The following TAFA5 variants were observed in gnomAD, a reference collection of about 807,000 sequenced individuals.
TAFA5 encodes the protein chemokine-like protein TAFA-5.
TAFA5 carries 6 observed loss-of-function variants against 15.3 expected under a neutral mutation model. That is an observed-to-expected ratio of 0.39 (90% CI 0.21 to 0.77). The LOEUF is 0.77. TAFA5 is among the 30% of genes least tolerant of loss of function. TAFA5 has a pLI of 0.41. For synonymous variants in TAFA5, 103 were observed against 80.7 expected (o/e 1.28, Z -1.48); for missense variants, 161 against 193.1 (o/e 0.83, Z 0.98).
chr22:48,588,020 C>A (rs1314192438), intron 1 of TAFA5, among the ~76,000 whole-genome samples: 1 of 152,224 alleles, frequency 6.6e-6, no homozygotes, highest in Non-Finnish European at 1.5e-5. Context: ...CCCGGGTTAT[C>A]CTGCAGGTGC....
intron 1 of TAFA5, among the ~76,000 whole-genome samples, chr22:48,535,724 AGTCACACCGGCACATCACACGCACG>A (rs1922134303): frequency 6.7e-6 from 1 of 150,340 alleles, no homozygotes; most frequent in Admixed American, 6.6e-5. Flanking sequence ...TCACACACAC[AGTCACACCGGCACATCACACGCACG>A]GTCACACTGG....
intron 1 of TAFA5, among the ~76,000 whole-genome samples, chr22:48,564,248 C>T (rs189502950): frequency 1.6e-4 from 25 of 152,346 alleles, no homozygotes; most frequent in Non-Finnish European, 2.2e-4. Flanking sequence ...AAGCTTGTGG[C>T]GGAACAGGGA....
At chr22:48,564,509 G>A (rs929046544) in intron 1 of TAFA5, among the ~76,000 whole-genome samples, 5 of 152,252 alleles carry the variant, frequency 3.3e-5, no homozygotes, top group African/African-American at 1.2e-4. Context: ...CATGTGGTCT[G>A]GTCATTGTCC....
intron 1 of TAFA5, among the ~76,000 whole-genome samples, chr22:48,575,636 G>C (rs937595847): frequency 1.1e-4 from 16 of 146,214 alleles, no homozygotes; most frequent in East Asian, 8.0e-4. Context: ...CGGCGGCCCA[G>C]CGTGGGCAGC....
chr22:48,708,068 G>A (rs1182207753), intron 3 of TAFA5, among the ~76,000 whole-genome samples: 1 of 152,164 alleles, frequency 6.6e-6, no homozygotes, highest in Non-Finnish European at 1.5e-5. Context: ...GCTGAGAGCT[G>A]GATGCAGAAC....
At chr22:48,534,098 A>G (rs576489174) in intron 1 of TAFA5, among the ~76,000 whole-genome samples, 2 of 152,162 alleles carry the variant, frequency 1.3e-5, no homozygotes, top group African/African-American at 4.8e-5. Flanking sequence ...GCAAGAATAC[A>G]GGTGAGGCAG....
chr22:48,604,804 GGGTATGAGA>G (rs1478522602), intron 1 of TAFA5, among the ~76,000 whole-genome samples: 36 of 152,298 alleles, frequency 2.4e-4, no homozygotes, highest in African/African-American at 8.4e-4. Flanking sequence ...GCCTCTCTAA[GGGTATGAGA>G]GGTATGCTTC....
intron 2 of TAFA5, among the ~76,000 whole-genome samples, chr22:48,677,045 G>T (rs1601663608): frequency 6.6e-6 from 1 of 152,222 alleles, no homozygotes; most frequent in Non-Finnish European, 1.5e-5. Context: ...CATTCGGCTG[G>T]AAGCCACTTC....
In TAFA5 at chr22:48,751,521, G is replaced by T. The variant is rs1165740294; in HGVS notation, c.*1674G>T. 3.9e-5 allele frequency: 6 copies of T among 152,430 alleles called. No individual in the cohort carries two copies. Among genetic ancestry groups the T allele is most frequent in the Non-Finnish European group, 5.9e-5 (4 of 68,044 alleles). 9.4% of individuals were successfully genotyped at this position (152,430 alleles called of 1,614,324 possible). On this transcript the variant is annotated 3_prime_UTR_variant, in exon 4 of 4. Transcript: ENST00000402357. ...GTAAAAAAATAACTATATAGAAGCT[G>T]TTCCAGCAACCATAGACTGAAGATA...
rs112544403 is a variant in TAFA5, at chr22:48,560,179, C to T, written c.112+70475C>T. Among the ~76,000 whole-genome samples, 1,147 of 152,314 alleles carry T rather than the reference C, an allele frequency of 7.5e-3. 16 individuals carry two copies. Among genetic ancestry groups the T allele is most frequent in the African/African-American group, 0.026 (1,081 of 41,572 alleles). On this transcript the variant is annotated intron_variant, in intron 1 of 3. Transcript: ENST00000402357. The surrounding 1 kb of genome is among the most constrained non-coding windows in gnomAD (Gnocchi z 4.2). ...AGCGTCACTGCTCTCAGCAGGGGAC[C>T]GTTTCTCTAACGGGAGCCTGTCAGT...
Position 48,489,631 on chromosome 22 carries a change from G to T in TAFA5, c.39G>T (p.Ala13=), listed in dbSNP as rs1293185043. The T allele has an allele frequency of 2.0e-6, 3 of 1,515,932 alleles. No homozygotes were observed. The highest frequency in any genetic ancestry group is 2.9e-5 in the African/African-American group (2 of 69,430). The allele number at this position is 1,515,932 out of a possible 1,614,324, so 93.9% of individuals were successfully genotyped here. ...PSPRTGSRQD[A]TALPSMSSTF... is the part of the protein sequence containing the mutation. ...CCAGGACCGGCAGCCGGCAAGATGC[G>T]ACCGCCCTGCCCAGCATGTCCTCAA... The change falls in exon 1 of 4, where the codon GCG becomes GCT. Residue 13 remains alanine, a synonymous_variant. Coordinates refer to ENST00000402357, the MANE Select transcript of TAFA5 (RefSeq NM_001082967.3). The surrounding 1 kb of genome is among the most constrained non-coding windows in gnomAD (Gnocchi z 5.5).
intron 1 of TAFA5, among the ~76,000 whole-genome samples, chr22:48,532,225 C>T (rs780648386): frequency 6.6e-6 from 1 of 152,182 alleles, no homozygotes; most frequent in Non-Finnish European, 1.5e-5. Flanking sequence ...GCAAATGTGG[C>T]CCTCGCCTCC....
At chr22:48,727,142 G>T (rs1239236255) in intron 3 of TAFA5, among the ~76,000 whole-genome samples, 1 of 152,204 alleles carries the variant, frequency 6.6e-6, no homozygotes, top group African/African-American at 2.4e-5. Context: ...AAGGTCACAT[G>T]TAAGATGATT....
intron 1 of TAFA5, among the ~76,000 whole-genome samples, chr22:48,619,158 G>A (rs1466628705): frequency 6.6e-6 from 1 of 152,138 alleles, no homozygotes; most frequent in Non-Finnish European, 1.5e-5. Flanking sequence ...CCTCTTCTGA[G>A]TGCAGCCACG....
At chr22:48,704,777 G>A (rs898198804) in intron 2 of TAFA5, among the ~76,000 whole-genome samples, 21 of 140,350 alleles carry the variant, frequency 1.5e-4, no homozygotes, top group Non-Finnish European at 2.8e-4. Context: ...TGTCTCAGCC[G>A]GCTCAGGCTG....
At chr22:48,686,561 A>C (rs578129059) in intron 2 of TAFA5, among the ~76,000 whole-genome samples, 22 of 152,386 alleles carry the variant, frequency 1.4e-4, no homozygotes, top group African/African-American at 5.3e-4. Context: ...AGGGGGGCAC[A>C]GAAGTTCAAA....
At chr22:48,526,684 A>T (rs189431141) in intron 1 of TAFA5, among the ~76,000 whole-genome samples, 2 of 152,334 alleles carry the variant, frequency 1.3e-5, no homozygotes, top group African/African-American at 2.4e-5. Context: ...CGCTGCCATT[A>T]TGTATCTCGG....
intron 3 of TAFA5, among the ~76,000 whole-genome samples, chr22:48,710,614 G>C (rs550104631): frequency 6.6e-6 from 1 of 152,336 alleles, no homozygotes; most frequent in Non-Finnish European, 1.5e-5. Context: ...AGAGAACCGA[G>C]GTGCTCACCG....
At chr22:48,672,754 A>G (rs188951561) in intron 2 of TAFA5, among the ~76,000 whole-genome samples, 2 of 152,194 alleles carry the variant, frequency 1.3e-5, no homozygotes, top group Non-Finnish European at 1.5e-5. Flanking sequence ...GGCACTTTGC[A>G]TGGGAAGTTC....
Sources: allele counts gnomAD v4.1 joint callset (sites outside exome capture counted in the v4.1 genomes callset), GRCh38; gene constraint gnomAD v4.1.1; non-coding constraint Gnocchi (gnomAD v3.1); transcripts MANE v1.5; gene names NCBI Gene and HGNC (gene_info 2026-07-23, HGNC 2026-07-21).